The following BOC variants were observed in gnomAD, a reference collection of about 807,000 sequenced individuals.
BOC encodes BOC cell adhesion associated, oncogene regulated.
A neutral mutation model predicts 112.0 loss-of-function variants in BOC; 76 were observed. The ratio of observed to expected loss-of-function variants is 0.68; its 90% confidence interval spans 0.56 to 0.82. The LOEUF is 0.82. Among genes scored for constraint, BOC ranks in the 40% least tolerant of loss-of-function variants. BOC has a pLI of 0.00. For synonymous variants in BOC, 580 were observed against 599.8 expected (o/e 0.97, Z 0.48); for missense variants, 1,309 against 1,511.7 (o/e 0.87, Z 2.22).
rs909342464 is a variant in BOC at position 113,274,739 on chromosome 3, A to T, written c.1542+57A>T. On this transcript the variant is annotated intron_variant, in intron 9 of 19. Transcript: ENST00000682979. The surrounding 1 kb of genome is among the most constrained non-coding windows in gnomAD (Gnocchi z 4.8). ...CTGCACAGCCTTTCCAGCAAGGCTG[A>T]GCAGAGTCACTGTCTCTTGGCCATC... 7 of 1,503,606 alleles carry T rather than the reference A, an allele frequency of 4.7e-6. No individual in the cohort carries two copies. The African/African-American group carries it at 9.7e-5, about 21-fold the overall frequency. 93.1% of individuals were successfully genotyped at this position (1,503,606 alleles called of 1,614,324 possible).
At chr3:113,235,820 G>T (rs1242654902) in intron 2 of BOC, among the ~76,000 whole-genome samples, 29 of 152,160 alleles carry the variant, frequency 1.9e-4, no homozygotes, top group Admixed American at 1.9e-3. Flanking sequence ...TCTGATGCAG[G>T]TGTGTAGGGT....
intron 4 of BOC, among the ~76,000 whole-genome samples, chr3:113,255,848 T>G (rs1301697235): frequency 1.3e-5 from 2 of 152,208 alleles, no homozygotes; most frequent in African/African-American, 2.4e-5. Flanking sequence ...TACCATAATT[T>G]AATTTAACCC....
intron 2 of BOC, among the ~76,000 whole-genome samples, chr3:113,220,682 G>A (rs1297001300): frequency 6.6e-6 from 1 of 152,254 alleles, no homozygotes; most frequent in East Asian, 1.9e-4. Context: ...ATTTCTCAGG[G>A]CAGGAGCCTG....
chr3:113,286,556 T>C, intron 19 of BOC, 119 bp from the exon 20 acceptor site: 1 of 939,404 alleles, frequency 1.1e-6, no homozygotes, highest in Non-Finnish European at 1.5e-6. Flanking sequence ...TAGGTTTCTG[T>C]CCCCTTTCCA....
intron 2 of BOC, among the ~76,000 whole-genome samples, chr3:113,245,766 T>G (rs78156516): frequency 0.013 from 1,949 of 152,338 alleles, 40 homozygotes; most frequent in African/African-American, 0.044. Context: ...TAAGAAAGTC[T>G]CTTTGTGCTA....
At position 113,283,568 on chromosome 3, in the gene BOC, C is replaced by T. The variant is rs141324680; in HGVS notation, c.2592C>T (p.Gly864=). 1.0e-4 allele frequency: 165 copies of T among 1,613,868 alleles called. No homozygotes were observed. In the African/African-American group the frequency reaches 1.8e-3, roughly 18 times the overall value. The part of the protein sequence containing the change: ...LPYLIVGVVL[G]SIVLIIVTFI... ...ATCTGATTGTCGGGGTCGTCCTGGG[C>T]TCCATCGTTCTCATCATCGTCACCT... is the stretch of plus-strand genomic sequence containing the variant. The change falls in exon 16 of 20, where the codon GGC becomes GGT. Residue 864 remains glycine (G), a synonymous_variant. Transcript: ENST00000682979.
At chr3:113,215,302 C>T (rs549142399) in intron 1 of BOC, among the ~76,000 whole-genome samples, 15 of 152,158 alleles carry the variant, frequency 9.9e-5, no homozygotes, top group African/African-American at 3.4e-4. Context: ...GGGTTGGTAA[C>T]GGATAGAGAA....
chr3:113,285,381 G>T lies in BOC; in HGVS notation c.2976G>T (p.Lys992Asn). Reference sequence around the variant, plus strand: ...GGCTTGTGCACTGCAGGGGTCCCAAGTCTAGCCCGGACGAGGGCTCTTTCT... The same window carrying T: ...GGCTTGTGCACTGCAGGGGTCCCAATTCTAGCCCGGACGAGGGCTCTTTCT... ...PQSHQITRGP[K>N]SSPDEGSFLY... Residue 992 changes from lysine (K) to asparagine (N), a missense_variant, in exon 19 of 20, where the codon AAG (lysine) becomes AAT (asparagine). Physicochemically the swap from Lys to Asn is moderately conservative, Grantham distance 94. Coordinates refer to ENST00000682979, the MANE Select transcript of BOC (RefSeq NM_001378074.1). 6.2e-7 allele frequency: 1 copy of T among 1,612,928 alleles called. No individual in the cohort carries two copies. The highest frequency in any genetic ancestry group is 8.5e-7 in the Non-Finnish European group (1 of 1,179,862).
At position 113,254,582 on chromosome 3, in the gene BOC, A is replaced by G. The variant is rs1322799965; in HGVS notation, c.376+3749A>G. Among the ~76,000 whole-genome samples, 3 of 152,240 alleles carry G rather than the reference A, an allele frequency of 2.0e-5. No homozygotes were observed. The East Asian group carries it at 5.8e-4, about 29-fold the overall frequency. On this transcript the variant is annotated intron_variant, in intron 4 of 19. Coordinates refer to ENST00000682979, the MANE Select transcript of BOC (RefSeq NM_001378074.1). Reference sequence around the variant, plus strand: ...GCCAAGTGGTAGACGGGATTACCGAAGGCACGGTCTGCATTTAGAGGAAAG... The same window carrying G: ...GCCAAGTGGTAGACGGGATTACCGAGGGCACGGTCTGCATTTAGAGGAAAG...
chr3:113,254,090 T>C (rs1576423677), intron 4 of BOC, among the ~76,000 whole-genome samples: 1 of 152,314 alleles, frequency 6.6e-6, no homozygotes, highest in Admixed American at 6.5e-5. Flanking sequence ...AAAATATTCC[T>C]GGCTGCTTCT....
chr3:113,279,724 C>A, intron 12 of BOC, 100 bp from the exon 13 acceptor site: 1 of 1,297,736 alleles, frequency 7.7e-7, no homozygotes, highest in Non-Finnish European at 1.1e-6. Context: ...TGGGGAAGGG[C>A]TGCCCAGAAG....
intron 4 of BOC, among the ~76,000 whole-genome samples, chr3:113,258,925 A>G (rs1946517200): frequency 6.6e-6 from 1 of 152,210 alleles, no homozygotes; most frequent in Non-Finnish European, 1.5e-5. Context: ...AATAAGGAAT[A>G]CCTTATAGCT....
intron 2 of BOC, among the ~76,000 whole-genome samples, chr3:113,236,944 T>C (rs1175419651): frequency 6.6e-6 from 1 of 152,242 alleles, no homozygotes; most frequent in Non-Finnish European, 1.5e-5. Context: ...CCATTCTTAT[T>C]TTCACAAAGT....
intron 4 of BOC, among the ~76,000 whole-genome samples, chr3:113,263,334 G>A (rs1947100521): frequency 1.3e-5 from 2 of 152,204 alleles, no homozygotes; most frequent in Admixed American, 1.3e-4. Context: ...CAGGAGGGTA[G>A]GACAGGACTG....
At chr3:113,260,352 T>C (rs926325829) in intron 4 of BOC, among the ~76,000 whole-genome samples, 5 of 151,890 alleles carry the variant, frequency 3.3e-5, no homozygotes, top group African/African-American at 1.2e-4. Context: ...TACAAAGAGG[T>C]TGAAGATACA....
rs551152491 is a variant in BOC, at chr3:113,250,731, G to A, written c.274G>A (p.Val92Ile). The A allele has an allele frequency of 1.1e-5, 18 of 1,614,138 alleles. No individual in the cohort carries two copies. The highest frequency in any genetic ancestry group is 2.2e-5 in the South Asian group (2 of 91,072). ...TGTCCTCATCACCCACGGGACCCTC[G>A]TCATCACTGCCCTTAACAACCACAC... Reference protein sequence around the residue: ...LGVLITHGTLVITALNNHTVG... With the variant: ...LGVLITHGTLIITALNNHTVG... The change falls in exon 4 of 20, where the codon GTC (valine) becomes ATC (isoleucine). Residue 92 changes from valine (V) to isoleucine (I), a missense_variant. By Grantham distance (29) the Val-to-Ile change is conservative. Transcript: ENST00000682979.
intron 2 of BOC, among the ~76,000 whole-genome samples, chr3:113,230,142 C>T (rs1942367542): frequency 6.6e-6 from 1 of 152,184 alleles, no homozygotes; most frequent in African/African-American, 2.4e-5. Context: ...TCTTGTCTCT[C>T]AGTACATAGT....
At chr3:113,242,131 AAAAAG>A (rs1944386796) in intron 2 of BOC, among the ~76,000 whole-genome samples, 1 of 152,124 alleles carries the variant, frequency 6.6e-6, no homozygotes, top group Non-Finnish European at 1.5e-5. Flanking sequence ...ACAAAAAAAA[AAAAAG>A]AAAAGAGAAC....
intron 2 of BOC, among the ~76,000 whole-genome samples, chr3:113,242,318 T>C (rs1302788751): frequency 6.6e-6 from 1 of 152,190 alleles, no homozygotes; most frequent in Non-Finnish European, 1.5e-5. Flanking sequence ...TGTGGGTAGA[T>C]TTGTAGATTT....
Sources: allele counts gnomAD v4.1 joint callset (sites outside exome capture counted in the v4.1 genomes callset), GRCh38; gene constraint gnomAD v4.1.1; non-coding constraint Gnocchi (gnomAD v3.1); transcripts MANE v1.5; gene names NCBI Gene and HGNC (gene_info 2026-07-23, HGNC 2026-07-21).